COMMD1: variants seen among roughly 807,000 people sequenced by gnomAD.
COMMD1 encodes the protein COMM domain-containing protein 1.
A neutral mutation model predicts 17.2 loss-of-function variants in COMMD1; 10 were observed. The observed-to-expected ratio is 0.58, with a 90% CI of 0.36 to 0.99. The LOEUF (loss-of-function observed/expected upper bound fraction) is 0.99, where lower values mean the gene tolerates loss of function less well. Ranked by LOEUF, COMMD1 falls within the 50% of genes least tolerant of loss-of-function variation. COMMD1 has a pLI of 0.01. For synonymous variants in COMMD1, 97 were observed against 91.6 expected, an observed-to-expected ratio of 1.06 and a Z score of -0.34; for missense variants, 270 against 231.8, an observed-to-expected ratio of 1.17 and a Z score of -1.07.
rs192539307 is a variant in COMMD1 at position 61,894,739 on chromosome 2, G to T, written n.119+5897G>T. ...TTTTGAGATGGAGTCTCACTCTGTA[G>T]CCCAGGCTGGAGTGCAATGGTGCGA... On this transcript the variant is annotated intron_variant and non_coding_transcript_variant, in intron 1 of 2. Coordinates refer to the COMMD1 transcript ENST00000472729. Among the ~76,000 whole-genome samples the T allele has an allele frequency of 6.9e-4, 103 of 150,102 alleles. 1 individual carries two copies. The highest frequency in any genetic ancestry group is 2.5e-3 in the African/African-American group (102 of 40,788).
chr2:62,109,217 A>G (rs577051758), intron 2 of COMMD1, among the ~76,000 whole-genome samples: 1 of 152,354 alleles, frequency 6.6e-6, no homozygotes, highest in South Asian at 2.1e-4. Flanking sequence ...AAAACCTTTC[A>G]GAAAGTAATT....
At chr2:62,024,693 TAATGTA>T (rs1669705913) in intron 2 of COMMD1, among the ~76,000 whole-genome samples, 1 of 152,020 alleles carries the variant, frequency 6.6e-6, no homozygotes, top group Admixed American at 6.5e-5. Flanking sequence ...CTTATGTAAT[TAATGTA>T]AGCTACCTTA....
intron 2 of COMMD1, among the ~76,000 whole-genome samples, chr2:62,093,623 C>A (rs1347041908): frequency 6.6e-6 from 1 of 152,166 alleles, no homozygotes; most frequent in Non-Finnish European, 1.5e-5. Flanking sequence ...ACAGGACAGG[C>A]CATCTTTCCT....
At chr2:61,965,484 C>T (rs1671481973) in intron 1 of COMMD1, among the ~76,000 whole-genome samples, 1 of 152,168 alleles carries the variant, frequency 6.6e-6, no homozygotes, top group African/African-American at 2.4e-5. Context: ...GTAGGCCTCC[C>T]ACTAGACTGT....
intron 1 of COMMD1, among the ~76,000 whole-genome samples, chr2:61,913,845 C>T (rs1439289783): frequency 7.2e-6 from 1 of 138,514 alleles, no homozygotes; most frequent in Non-Finnish European, 1.6e-5. Flanking sequence ...CTGTTCCAAA[C>T]ATCTGTTCTC....
chr2:61,936,956 G>A (rs929275355), intron 1 of COMMD1, among the ~76,000 whole-genome samples: 3 of 152,136 alleles, frequency 2.0e-5, no homozygotes, highest in Non-Finnish European at 2.9e-5. Context: ...CAGTCAATAC[G>A]TGTGAGATTT....
At chr2:61,917,133 C>T (rs1670071498) in intron 1 of COMMD1, among the ~76,000 whole-genome samples, 1 of 151,962 alleles carries the variant, frequency 6.6e-6, no homozygotes, top group South Asian at 2.1e-4. Flanking sequence ...GTGGGTGGAT[C>T]ACTTGAGGTC....
chr2:61,959,360 G>A (rs1302499406), intron 1 of COMMD1, among the ~76,000 whole-genome samples: 1 of 152,164 alleles, frequency 6.6e-6, no homozygotes, highest in Non-Finnish European at 1.5e-5. Flanking sequence ...AGTATATATA[G>A]CTATGAATAC....
chr2:61,905,903 G>T (rs199846289), intron 1 of COMMD1, 45 bp downstream of exon 1: 46 of 1,600,334 alleles, frequency 2.9e-5, no homozygotes, highest in Non-Finnish European at 3.6e-5. Flanking sequence ...AGAACCCCTT[G>T]GCCGCTGGCT....
chr2:62,008,865 C>T (rs1669198925), intron 2 of COMMD1, among the ~76,000 whole-genome samples: 1 of 152,204 alleles, frequency 6.6e-6, no homozygotes, highest in African/African-American at 2.4e-5. Context: ...ACTGCAACCT[C>T]TGCCTCCCGT....
intron 2 of COMMD1, among the ~76,000 whole-genome samples, chr2:62,076,683 G>T (rs1054042381): frequency 8.6e-5 from 13 of 151,616 alleles, no homozygotes; most frequent in African/African-American, 3.2e-4. Context: ...GGAGGCGGAG[G>T]TTGCAGTGAG....
intron 1 of COMMD1, among the ~76,000 whole-genome samples, chr2:61,925,433 G>A (rs562920586): frequency 3.5e-4 from 53 of 152,148 alleles, no homozygotes; most frequent in South Asian, 2.7e-3. Flanking sequence ...GCTGCATCCC[G>A]GGGTTGTTTG....
At chr2:62,035,145 G>C (rs1254213512) in intron 2 of COMMD1, among the ~76,000 whole-genome samples, 2 of 152,238 alleles carry the variant, frequency 1.3e-5, no homozygotes, top group Non-Finnish European at 2.9e-5. Flanking sequence ...GCCTTGGATA[G>C]AGTGGAGTAG....
At chr2:62,128,342 A>C (rs1208398280) in intron 2 of COMMD1, among the ~76,000 whole-genome samples, 1 of 151,792 alleles carries the variant, frequency 6.6e-6, no homozygotes, top group Non-Finnish European at 1.5e-5. Flanking sequence ...AAAGAAAAAA[A>C]AAAAACAAAA....
At chr2:62,028,442 C>T (rs1009012529) in intron 2 of COMMD1, among the ~76,000 whole-genome samples, 2 of 151,960 alleles carry the variant, frequency 1.3e-5, no homozygotes, top group Admixed American at 1.3e-4. Context: ...GTAACTATGT[C>T]TTTTGTAATT....
intron 1 of COMMD1, among the ~76,000 whole-genome samples, chr2:61,994,014 T>G (rs1294782620): frequency 6.6e-6 from 1 of 151,974 alleles, no homozygotes; most frequent in Non-Finnish European, 1.5e-5. Flanking sequence ...CTTGGCGGAG[T>G]CTCGCTCTGT....
chr2:62,124,192 G>C (rs1672828041), intron 2 of COMMD1, among the ~76,000 whole-genome samples: 1 of 152,142 alleles, frequency 6.6e-6, no homozygotes, highest in Non-Finnish European at 1.5e-5. Flanking sequence ...CCAGCTACTT[G>C]GGAGGCTGAG....
chr2:61,928,317 T>C (rs1187510043), intron 1 of COMMD1, among the ~76,000 whole-genome samples: 1 of 151,904 alleles, frequency 6.6e-6, no homozygotes, highest in African/African-American at 2.4e-5. Context: ...TGTGCTACCA[T>C]GCCTGGCTAA....
chr2:61,951,548 A>T (rs2103668355), intron 1 of COMMD1, among the ~76,000 whole-genome samples: 1 of 152,278 alleles, frequency 6.6e-6, no homozygotes, highest in African/African-American at 2.4e-5. Flanking sequence ...GGATCTAAGT[A>T]GGTGCCCTAA....
Sources: gnomAD v4.1 joint callset for allele counts (sites outside exome capture counted in the v4.1 genomes callset) on GRCh38, gnomAD v4.1.1 for gene constraint, MANE v1.5 for transcripts, NCBI Gene and HGNC (gene_info 2026-07-23, HGNC 2026-07-21) for gene names.